The following MBOAT1 variants were observed in gnomAD, a reference collection of about 807,000 sequenced individuals.
The protein encoded by MBOAT1 is membrane-bound glycerophospholipid O-acyltransferase 1.
A neutral mutation model predicts 64.4 loss-of-function variants in MBOAT1; 67 were observed. That is an observed-to-expected ratio of 1.04 (90% CI 0.85 to 1.27). The LOEUF (loss-of-function observed/expected upper bound fraction) is 1.27. Among genes scored for constraint, MBOAT1 ranks in the 50% most tolerant of loss-of-function variants. MBOAT1 has a pLI of 0.00. For missense variants in MBOAT1, 563 were observed against 604.6 expected, an observed-to-expected ratio of 0.93 and a Z score of 0.72; for synonymous variants, 229 against 218.9, an observed-to-expected ratio of 1.05 and a Z score of -0.41.
chr6:20,119,507 C>A (rs978560693), intron 8 of MBOAT1, among the ~76,000 whole-genome samples: 2 of 152,104 alleles, frequency 1.3e-5, no homozygotes, highest in African/African-American at 2.4e-5. Flanking sequence ...CTTCCTTTTT[C>A]TATAAAAGTC....
intron 9 of MBOAT1, among the ~76,000 whole-genome samples, chr6:20,115,901 G>T (rs1760304166): frequency 6.6e-6 from 1 of 151,320 alleles, no homozygotes; most frequent in Admixed American, 6.6e-5. Context: ...TACAGGAAAG[G>T]AAACAAATAT....
At chr6:20,152,326 CAA>C (rs60553927) in intron 2 of MBOAT1, among the ~76,000 whole-genome samples, 2 of 97,112 alleles carry the variant, frequency 2.1e-5, no homozygotes, top group Non-Finnish European at 4.2e-5. Flanking sequence ...GACTCCGTCT[CAA>C]AAAAAAAAAA....
chr6:20,112,962 T>C lies in MBOAT1; in HGVS notation c.1123A>G (p.Ile375Val), dbSNP rs760834607. The change falls in exon 11 of 13, where the codon ATC becomes GTC. Residue 375 changes from isoleucine (I) to valine (V), a missense_variant. Physicochemically the swap from Ile to Val is conservative, Grantham distance 29 (BLOSUM62 3). Transcript: ENST00000324607. ...VPWYPTVLTF[I>V]LSALWHGVYP... ...ACACCATGCCACAAAGCAGACAGGA[T>C]GAAGGTTAGCACCGTGGGGTACCAT... The C allele has an allele frequency of 3.7e-6, 6 of 1,614,066 alleles. No homozygotes were observed. The highest frequency in any genetic ancestry group is 5.1e-6 in the Non-Finnish European group (6 of 1,179,986).
At chr6:20,116,712 T>C (rs939184831) in intron 9 of MBOAT1, among the ~76,000 whole-genome samples, 2 of 152,232 alleles carry the variant, frequency 1.3e-5, no homozygotes, top group Non-Finnish European at 2.9e-5. Flanking sequence ...CTATATCAAA[T>C]GTATGATGAA....
Position 20,205,714 on chromosome 6 carries a change from C to A in MBOAT1, c.99+6422G>T, listed in dbSNP as rs541421467. ...GGGGGTTTATACCTCACCATCGTAC[C>A]CCCAACACATCTACATTCAATGCCC... is the stretch of plus-strand genomic sequence containing the variant. On this transcript the variant is annotated intron_variant, in intron 1 of 12. Transcript: ENST00000324607. Among the ~76,000 whole-genome samples the A allele has an allele frequency of 5.9e-5, 9 of 152,194 alleles. No homozygotes were observed. The South Asian group carries it at 1.9e-3, about 32-fold the overall frequency.
At chr6:20,211,503 T>A (rs1763416816) in intron 1 of MBOAT1, among the ~76,000 whole-genome samples, 1 of 152,174 alleles carries the variant, frequency 6.6e-6, no homozygotes, top group Non-Finnish European at 1.5e-5. Flanking sequence ...AGATAATTCC[T>A]GGACAGTTCA....
At chr6:20,182,196 G>A (rs575446649) in intron 1 of MBOAT1, among the ~76,000 whole-genome samples, 2 of 152,300 alleles carry the variant, frequency 1.3e-5, no homozygotes, top group East Asian at 3.9e-4. Context: ...CAACAGACAT[G>A]TATTGCTCAT....
At chr6:20,104,817 G>A (rs78017505) in intron 12 of MBOAT1, among the ~76,000 whole-genome samples, 3,300 of 152,268 alleles carry the variant, frequency 0.022, 105 homozygotes, top group African/African-American at 0.07. Flanking sequence ...TGAAGAGCTC[G>A]AACAGAAGCA....
At position 20,115,271 on chromosome 6, in the gene MBOAT1, G is replaced by A. The variant is rs370567617; in HGVS notation, c.1076+17C>T. 25 of 1,602,504 alleles carry A rather than the reference G, an allele frequency of 1.6e-5. No homozygotes were observed. The highest frequency in any genetic ancestry group is 2.7e-5 in the African/African-American group (2 of 74,668). On this transcript the variant is annotated intron_variant, in intron 10 of 12. Transcript: ENST00000324607. ...TCCCAGTGCCCTAAGTAATGAGGTC[G>A]TTTTTGTTTTTCTTACCACTTTAGC...
At chr6:20,118,111 AAGAG>A (rs1760381359) in intron 9 of MBOAT1, among the ~76,000 whole-genome samples, 1 of 152,186 alleles carries the variant, frequency 6.6e-6, no homozygotes, top group Admixed American at 6.5e-5. Flanking sequence ...GTAGAAAGAG[AAGAG>A]AGAGAGATGA....
In MBOAT1 at chr6:20,212,214, C is replaced by T. The variant is rs1338258604; in HGVS notation, c.21G>A (p.Pro7=). Residue 7 remains proline, a synonymous_variant, in exon 1 of 13, where the codon CCG becomes CCA. Transcript: ENST00000324607. ...CCGTGGTGCGGTAGGAAAGGCTGGA[C>T]GGCTGCGGCTCTGCTGCCATCCTGC... MAAEPQ[P]SSLSYRTTGS... is the part of the protein sequence containing the mutation. 6.2e-7 allele frequency: 1 copy of T among 1,612,804 alleles called. No homozygotes were observed. The highest frequency in any genetic ancestry group is 1.7e-5 in the Admixed American group (1 of 59,996).
intron 9 of MBOAT1, among the ~76,000 whole-genome samples, chr6:20,116,310 C>T (rs1270010555): frequency 1.3e-5 from 2 of 151,284 alleles, no homozygotes; most frequent in African/African-American, 4.9e-5. Context: ...CCAGCCTGGG[C>T]AACATGGCAA....
chr6:20,132,767 G>T (rs1760869154), intron 4 of MBOAT1, among the ~76,000 whole-genome samples: 1 of 152,218 alleles, frequency 6.6e-6, no homozygotes. Context: ...CATCACCCAA[G>T]AAAGTGAAAA....
rs1759955574 is a variant in MBOAT1 at position 20,106,323 on chromosome 6, C to T, written c.1361+3275G>A. 5.3e-5 allele frequency among the ~76,000 whole-genome samples: 8 copies of T among 152,310 alleles called. No individual in the cohort carries two copies. The South Asian group carries it at 1.7e-3, about 32-fold the overall frequency. ...ATTCAATAAAATCGAAAATTCAGTTCCTCTGTCCCACTAGGTGCATTTCAA... is the reference window on the plus strand; with the variant it reads ...ATTCAATAAAATCGAAAATTCAGTTTCTCTGTCCCACTAGGTGCATTTCAA... On this transcript the variant is annotated intron_variant, in intron 12 of 12. Transcript: ENST00000324607.
intron 11 of MBOAT1, among the ~76,000 whole-genome samples, chr6:20,111,934 G>A (rs1177064339): frequency 6.9e-6 from 1 of 144,810 alleles, no homozygotes. Flanking sequence ...AGATCCTCAG[G>A]GGAGGGACTC....
chr6:20,138,869 G>A (rs568747268), intron 4 of MBOAT1, among the ~76,000 whole-genome samples: 1 of 152,310 alleles, frequency 6.6e-6, no homozygotes, highest in East Asian at 1.9e-4. Context: ...GATATCTGCA[G>A]GACTGGTTCC....
chr6:20,209,687 C>G (rs1342773288), intron 1 of MBOAT1, among the ~76,000 whole-genome samples: 1 of 152,148 alleles, frequency 6.6e-6, no homozygotes, highest in Non-Finnish European at 1.5e-5. Context: ...GAGCATATCC[C>G]AGGCCAATCA....
intron 7 of MBOAT1, chr6:20,125,894 T>C (rs903927857): frequency 1.1e-5 from 5 of 440,538 alleles, no homozygotes; most frequent in Non-Finnish European, 4.5e-6. Context: ...CTTTCGTTAA[T>C]TACAAATGTC....
At chr6:20,127,848 T>C (rs1053517714) in intron 6 of MBOAT1, among the ~76,000 whole-genome samples, 1 of 152,084 alleles carries the variant, frequency 6.6e-6, no homozygotes, top group African/African-American at 2.4e-5. Flanking sequence ...CAACCCTGGG[T>C]CTGTGGAAAA....
Sources: gnomAD v4.1 joint callset for allele counts (sites outside exome capture counted in the v4.1 genomes callset) on GRCh38, gnomAD v4.1.1 for gene constraint, MANE v1.5 for transcripts, NCBI Gene and HGNC (gene_info 2026-07-23, HGNC 2026-07-21) for gene names.